The following FRMPD2 variants were observed in gnomAD, a reference collection of about 807,000 sequenced individuals.
FRMPD2 encodes FERM and PDZ domain containing 2, also known as FERM and PDZ domain-containing protein 2.
Under a neutral mutation model 140.1 loss-of-function variants are expected in FRMPD2, and 96 were observed. The observed-to-expected ratio is 0.69, with a 90% CI of 0.58 to 0.81. The LOEUF is 0.81. FRMPD2 is among the 40% of genes least tolerant of loss of function. The pLI, the probability that FRMPD2 is intolerant of heterozygous loss-of-function variation, is 0.00. For synonymous variants in FRMPD2, 449 were observed against 547.6 expected (o/e 0.82, Z 2.52); for missense variants, 1,240 against 1,447.4 (o/e 0.86, Z 2.32).
At chr10:48,271,645 AG>A in intron 1 of FRMPD2, among the ~76,000 whole-genome samples, 1 of 152,266 alleles carries the variant, frequency 6.6e-6, no homozygotes, top group Non-Finnish European at 1.5e-5. Context: ...AGAAAAAAAA[AG>A]GGAGGGCAGT....
At chr10:48,177,839 C>G in intron 22 of FRMPD2, 1 of 441,270 alleles carries the variant, frequency 2.3e-6, no homozygotes, top group Non-Finnish European at 4.4e-6. Flanking sequence ...TCCCCTAGTG[C>G]ATGCCCTGCT....
intron 1 of FRMPD2, among the ~76,000 whole-genome samples, chr10:48,273,102 A>G (rs528010195): frequency 2.0e-5 from 3 of 152,300 alleles, no homozygotes; most frequent in Non-Finnish European, 4.4e-5. Context: ...AGTAAAATTT[A>G]TAATGAACTT....
intron 9 of FRMPD2, among the ~76,000 whole-genome samples, chr10:48,233,253 G>A (rs1179816149): frequency 3.3e-5 from 5 of 152,304 alleles, no homozygotes; most frequent in East Asian, 1.9e-4. Context: ...GCAGATCTGA[G>A]GACCCTGTGG....
intron 14 of FRMPD2, among the ~76,000 whole-genome samples, chr10:48,203,331 T>C (rs1839131932): frequency 6.6e-6 from 1 of 152,156 alleles, no homozygotes; most frequent in South Asian, 2.1e-4. Flanking sequence ...TCAAGAGTCT[T>C]TTCCATCATT....
intron 10 of FRMPD2, among the ~76,000 whole-genome samples, chr10:48,228,951 A>G (rs1839789978): frequency 1.3e-5 from 2 of 152,036 alleles, no homozygotes; most frequent in South Asian, 2.1e-4. Context: ...ATATTATGAA[A>G]GAAATTTTTG....
Position 48,224,591 on chromosome 10 carries a change from C to T in FRMPD2, c.1169-1321G>A, listed in dbSNP as rs73294233. ...ACTCACCCTTCCCTTAGGATGAATT[C>T]TCCCCAAGAGATAGGCAGTTCCCCA... is the stretch of plus-strand genomic sequence containing the variant. On this transcript the variant is annotated intron_variant, in intron 10 of 28. Transcript: ENST00000374201. Among the ~76,000 whole-genome samples the T allele has an allele frequency of 2.4e-3, 365 of 152,300 alleles. 2 individuals are homozygous for T. The highest frequency in any genetic ancestry group is 8.5e-3 in the African/African-American group (353 of 41,552).
In FRMPD2 at chr10:48,187,288, AG is replaced by A; in HGVS notation, c.2169del (p.Cys724AlafsTer7). ...EAGAEGIGRS[P>X]CTGREQLKSA... ...CTCTTCAGCTGCTCCCGGCCAGTGC[AG>A]GGGCTGCCGGGAAAAGAAAATGAGG... On this transcript the variant is annotated frameshift_variant, in exon 17 of 29. Coordinates refer to ENST00000374201, the MANE Select transcript of FRMPD2 (RefSeq NM_001018071.4). LOFTEE classifies it high-confidence loss of function. 1 of 1,613,784 alleles carries A rather than the reference AG, an allele frequency of 6.2e-7. No homozygotes were observed. The highest frequency in any genetic ancestry group is 8.5e-7 in the Non-Finnish European group (1 of 1,179,794).
chr10:48,239,059 C>A (rs1468538017), intron 7 of FRMPD2, among the ~76,000 whole-genome samples: 1 of 152,148 alleles, frequency 6.6e-6, no homozygotes. Flanking sequence ...GCCATTGTCA[C>A]GAGAACAATC....
chr10:48,186,692 G>A (rs996438886), intron 17 of FRMPD2, among the ~76,000 whole-genome samples: 9 of 152,154 alleles, frequency 5.9e-5, no homozygotes, highest in Non-Finnish European at 1.0e-4. Context: ...TATCAGCAGC[G>A]TGAAAACGCA....
At position 48,239,606 on chromosome 10, in the gene FRMPD2, G is replaced by C; in HGVS notation, c.787C>G (p.Arg263Gly). 4 of 1,613,046 alleles carry C rather than the reference G, an allele frequency of 2.5e-6. No individual in the cohort carries two copies. The highest frequency in any genetic ancestry group is 3.4e-6 in the Non-Finnish European group (4 of 1,179,078). The change falls in exon 7 of 29, where the codon CGC (arginine) becomes GGC (glycine). Residue 263 changes from arginine (R) to glycine (G), a missense_variant and splice_region_variant. By Grantham distance (125) the Arg-to-Gly change is moderately radical (BLOSUM62 -2). Transcript: ENST00000374201. ...THSHCSLLVN[R>G]ALPGADPQDQ... ...CACCCTTTAGGCCTTGCTGCTTACC[G>C]GTTAACAAGGAGGCTGCAGTGACTG...
chr10:48,236,577 G>T, intron 8 of FRMPD2, 24 bp from the exon 9 acceptor site: 1 of 1,609,638 alleles, frequency 6.2e-7, no homozygotes, highest in Non-Finnish European at 8.5e-7. Flanking sequence ...GTCACATATG[G>T]TAGAGAAGAC....
At chr10:48,245,123 A>T (rs1042029329) in intron 3 of FRMPD2, among the ~76,000 whole-genome samples, 3 of 152,178 alleles carry the variant, frequency 2.0e-5, no homozygotes, top group Non-Finnish European at 4.4e-5. Flanking sequence ...TTTACTGACA[A>T]AAGGACACAT....
intron 15 of FRMPD2, among the ~76,000 whole-genome samples, chr10:48,200,157 TAA>T (rs1839049412): frequency 8.5e-6 from 1 of 118,142 alleles, no homozygotes; most frequent in Non-Finnish European, 1.7e-5. Flanking sequence ...AAAATATAAA[TAA>T]ATAAATAAAT....
chr10:48,251,506 T>G (rs1840380634), intron 2 of FRMPD2, 60 bp downstream of exon 2: 3 of 1,600,488 alleles, frequency 1.9e-6, no homozygotes, highest in Non-Finnish European at 2.6e-6. Context: ...GAACTGTGTT[T>G]GTGTGGGAAG....
chr10:48,227,707 A>G (rs1380823037), intron 10 of FRMPD2, among the ~76,000 whole-genome samples: 3 of 152,222 alleles, frequency 2.0e-5, no homozygotes, highest in South Asian at 2.1e-4. Flanking sequence ...GAGAGCCCTC[A>G]TCATGAACAA....
At chr10:48,246,090 G>A (rs1290303298) in intron 3 of FRMPD2, among the ~76,000 whole-genome samples, 2 of 152,150 alleles carry the variant, frequency 1.3e-5, no homozygotes, top group African/African-American at 4.8e-5. Flanking sequence ...AAGTTCACAA[G>A]CTGCACCCCC....
intron 15 of FRMPD2, among the ~76,000 whole-genome samples, chr10:48,198,458 T>C (rs1001656505): frequency 7.2e-5 from 11 of 152,286 alleles, no homozygotes; most frequent in South Asian, 4.1e-4. Context: ...AAGTGCCCAA[T>C]AGTGTGAACA....
intron 2 of FRMPD2, among the ~76,000 whole-genome samples, chr10:48,250,137 G>T (rs556616743): frequency 6.6e-6 from 1 of 152,094 alleles, no homozygotes. Flanking sequence ...TGACTCGCCC[G>T]AGCCCACCTA....
At chr10:48,189,329 G>A (rs921960890) in intron 16 of FRMPD2, among the ~76,000 whole-genome samples, 4 of 152,208 alleles carry the variant, frequency 2.6e-5, no homozygotes, top group Non-Finnish European at 5.9e-5. Flanking sequence ...AGGCAGTGGC[G>A]AAAGGCTTCA....
Sources: allele counts gnomAD v4.1 joint callset (sites outside exome capture counted in the v4.1 genomes callset), GRCh38; gene constraint gnomAD v4.1.1; transcripts MANE v1.5; gene names NCBI Gene and HGNC (gene_info 2026-07-23, HGNC 2026-07-21).